Variants in BICD1 observed in about 807,000 individuals in gnomAD.
The protein encoded by BICD1 is protein bicaudal D homolog 1.
A neutral mutation model predicts 92.5 loss-of-function variants in BICD1; 35 were observed. That is an observed-to-expected ratio of 0.38 (90% CI 0.29 to 0.50). BICD1 has a LOEUF of 0.50. Ranked by LOEUF, BICD1 falls within the 20% of genes least tolerant of loss-of-function variation. The pLI is 0.93. For synonymous variants in BICD1, 429 were observed against 465.1 expected (o/e 0.92, Z 1.00); for missense variants, 950 against 1,189.8 (o/e 0.80, Z 2.97).
chr12:32,294,545 C>A (rs756359233), intron 3 of BICD1, among the ~76,000 whole-genome samples: 3 of 148,110 alleles, frequency 2.0e-5, no homozygotes, highest in Non-Finnish European at 4.4e-5. Context: ...CACTTGAACC[C>A]AAGACGTCAA....
chr12:32,346,536 G>GTA (rs59893108), intron 8 of BICD1, among the ~76,000 whole-genome samples: 6 of 24,128 alleles, frequency 2.5e-4, no homozygotes, highest in Admixed American at 7.3e-4. Context: ...ATATATACGT[G>GTA]TATATATATA....
chr12:32,261,516 T>A (rs1011228802), intron 2 of BICD1, among the ~76,000 whole-genome samples: 11 of 152,162 alleles, frequency 7.2e-5, no homozygotes, highest in Admixed American at 3.3e-4. Flanking sequence ...TGCCGCCCAC[T>A]AAGACACAAG....
chr12:32,363,459 C>T (rs1939410070), intron 8 of BICD1, among the ~76,000 whole-genome samples: 1 of 152,176 alleles, frequency 6.6e-6, no homozygotes, highest in Non-Finnish European at 1.5e-5. Flanking sequence ...TATAAACGTA[C>T]AGCATTTTCT....
chr12:32,314,654 G>A (rs1948455158), intron 4 of BICD1, among the ~76,000 whole-genome samples: 1 of 151,970 alleles, frequency 6.6e-6, no homozygotes, highest in South Asian at 2.1e-4. Flanking sequence ...TACTGATTTG[G>A]ATACAAATCC....
chr12:32,187,457 A>AG (rs1944448362), intron 1 of BICD1, among the ~76,000 whole-genome samples: 1 of 152,116 alleles, frequency 6.6e-6, no homozygotes, highest in Non-Finnish European at 1.5e-5. Context: ...GCAGATCACA[A>AG]GGTCAGGAGT....
chr12:32,254,684 C>T (rs575054015), intron 2 of BICD1, among the ~76,000 whole-genome samples: 8 of 152,192 alleles, frequency 5.3e-5, no homozygotes, highest in Admixed American at 3.9e-4. Flanking sequence ...CTTGCTGAAT[C>T]GAGCCTTTGA....
chr12:32,118,863 G>T (rs1368050829), intron 1 of BICD1, among the ~76,000 whole-genome samples: 1 of 152,214 alleles, frequency 6.6e-6, no homozygotes, highest in Non-Finnish European at 1.5e-5. Flanking sequence ...ACTGTGTCGG[G>T]CATGGTGCCA....
At chr12:32,360,012 C>T (rs943356842) in intron 8 of BICD1, among the ~76,000 whole-genome samples, 2 of 151,972 alleles carry the variant, frequency 1.3e-5, no homozygotes, top group South Asian at 2.1e-4. Flanking sequence ...GGTGAAACCC[C>T]GTCTCTACTA....
At chr12:32,341,118 T>G (rs1592697938) in intron 8 of BICD1, among the ~76,000 whole-genome samples, 1 of 152,296 alleles carries the variant, frequency 6.6e-6, no homozygotes. Context: ...TACCATATAT[T>G]GTCTTAAACT....
intron 1 of BICD1, among the ~76,000 whole-genome samples, chr12:32,198,323 C>CATATATATATATATATAT (rs765984931): frequency 0.025 from 2,149 of 87,540 alleles, 319 homozygotes; most frequent in Admixed American, 0.037. Flanking sequence ...GAATAATATG[C>CATATATATATATATATAT]ATCTATCTAT....
intron 1 of BICD1, among the ~76,000 whole-genome samples, chr12:32,176,700 G>A (rs933583786): frequency 7.2e-5 from 11 of 152,036 alleles, no homozygotes; most frequent in Non-Finnish European, 1.2e-4. Flanking sequence ...TTCACTCATC[G>A]TAAGGGTTTC....
intron 2 of BICD1, among the ~76,000 whole-genome samples, chr12:32,287,340 C>A (rs1947596538): frequency 6.6e-6 from 1 of 151,862 alleles, no homozygotes; most frequent in Non-Finnish European, 1.5e-5. Flanking sequence ...GAAATGTTAT[C>A]ATTGCTTTGA....
At chr12:32,150,892 C>T (rs1205608161) in intron 1 of BICD1, among the ~76,000 whole-genome samples, 1 of 152,200 alleles carries the variant, frequency 6.6e-6, no homozygotes, top group Non-Finnish European at 1.5e-5. Context: ...TTCATTGACT[C>T]TTCTGTCCGA....
intron 1 of BICD1, among the ~76,000 whole-genome samples, chr12:32,129,965 G>A (rs1052797451): frequency 3.9e-5 from 6 of 152,176 alleles, no homozygotes; most frequent in Admixed American, 3.9e-4. Context: ...AAGAAATAGT[G>A]CGATGTGGAT....
rs147723793 is a variant in BICD1, at chr12:32,212,616, G to A, written c.214-3631G>A. On this transcript the variant is annotated intron_variant, in intron 1 of 9. Transcript: ENST00000652176. The stretch of plus-strand genomic sequence containing the variant: ...ATCTTTGTATTTTAACAGAGACGGG[G>A]TTTTGCCACGTTGGCCAGACTGGTT... Among the ~76,000 whole-genome samples, 538 of 152,250 alleles carry A rather than the reference G, an allele frequency of 3.5e-3. 4 individuals are homozygous for A. Among genetic ancestry groups the A allele is most frequent in the African/African-American group, 0.012 (498 of 41,534 alleles).
At chr12:32,216,709 T>C (rs1945372387) in intron 2 of BICD1, among the ~76,000 whole-genome samples, 1 of 152,220 alleles carries the variant, frequency 6.6e-6, no homozygotes, top group Non-Finnish European at 1.5e-5. Flanking sequence ...GGAATTGGCC[T>C]TACTATTTCT....
At chr12:32,314,734 T>C (rs1948456523) in intron 4 of BICD1, among the ~76,000 whole-genome samples, 1 of 151,828 alleles carries the variant, frequency 6.6e-6, no homozygotes, top group Admixed American at 6.6e-5. Flanking sequence ...TTCACTTTCT[T>C]GATGGTGTCC....
rs552652687 is a variant in BICD1, at chr12:32,306,461, G to A, written c.1005+339G>A. On this transcript the variant is annotated intron_variant, in intron 4 of 9. Coordinates refer to ENST00000652176, the MANE Select transcript of BICD1 (RefSeq NM_001714.4). Reference sequence around the variant, plus strand: ...GGGTTTCACCGTATTAGCCAGGATGGTCTCGATCTCCTGACTTCGTGATCC... The same window carrying A: ...GGGTTTCACCGTATTAGCCAGGATGATCTCGATCTCCTGACTTCGTGATCC... Among the ~76,000 whole-genome samples, 40 of 151,988 alleles carry A rather than the reference G, an allele frequency of 2.6e-4. No individual in the cohort carries two copies. The East Asian group carries it at 2.8e-3, about 11-fold the overall frequency.
At position 32,328,358 on chromosome 12, in the gene BICD1, C is replaced by G; in HGVS notation, c.1903C>G (p.Gln635Glu). ...CAACCTTAATGCCATAATCCGGGACCAAATCAAGCATCTGCAGAAAGCTGT... is the reference window on the plus strand; with the variant it reads ...CAACCTTAATGCCATAATCCGGGACGAAATCAAGCATCTGCAGAAAGCTGT... ...IYNLNAIIRDQIKHLQKAVDR... is the reference protein window; with the variant it reads ...IYNLNAIIRDEIKHLQKAVDR... Residue 635 changes from glutamine (Q) to glutamate (E), a missense_variant, in exon 5 of 10, where the codon CAA becomes GAA. By Grantham distance (29) the Gln-to-Glu change is conservative (BLOSUM62 2). Transcript: ENST00000652176. This position sits in a 1 kb window ranked among gnomAD's most constrained non-coding sequence, Gnocchi z 4.4. The G allele has an allele frequency of 6.2e-7, 1 of 1,614,208 alleles. No homozygotes were observed. The highest frequency in any genetic ancestry group is 1.1e-5 in the South Asian group (1 of 91,088).
Sources: allele counts gnomAD v4.1 joint callset (sites outside exome capture counted in the v4.1 genomes callset), GRCh38; gene constraint gnomAD v4.1.1; non-coding constraint Gnocchi (gnomAD v3.1); transcripts MANE v1.5; gene names NCBI Gene and HGNC (gene_info 2026-07-23, HGNC 2026-07-21).